The following IGFL4 variants were observed in gnomAD, a reference collection of about 807,000 sequenced individuals.
The protein encoded by IGFL4 is insulin growth factor-like family member 4.
IGFL4 carries 12 observed loss-of-function variants against 15.4 expected under a neutral mutation model. That is an observed-to-expected ratio of 0.78 (90% CI 0.50 to 1.26). The LOEUF is 1.26. Among genes scored for constraint, IGFL4 ranks in the 50% most tolerant of loss-of-function variants. The pLI, the probability that IGFL4 is intolerant of heterozygous loss-of-function variation, is 0.00. For missense variants in IGFL4, 126 were observed against 147.8 expected (o/e 0.85, Z 0.76); for synonymous variants, 54 against 55.9 (o/e 0.97, Z 0.16).
intron 1 of IGFL4, among the ~76,000 whole-genome samples, chr19:46,071,183 A>T (rs576216539): frequency 6.6e-6 from 1 of 151,300 alleles, no homozygotes; most frequent in Non-Finnish European, 1.5e-5. Context: ...AGCTCAGCCA[A>T]CCTCCTCAAT....
At chr19:46,043,474 A>C (rs1969266299), upstream of IGFL4, among the ~76,000 whole-genome samples, 1 of 152,208 alleles carries the variant, frequency 6.6e-6, no homozygotes, top group Non-Finnish European at 1.5e-5. Context: ...AAGGCAGTGG[A>C]AACAAGAATG....
intron 1 of IGFL4, among the ~76,000 whole-genome samples, chr19:46,063,335 G>GCACACACACACA (rs5828265): frequency 1.4e-4 from 21 of 147,188 alleles, no homozygotes; most frequent in African/African-American, 5.0e-4. Context: ...ACACACGCAT[G>GCACACACACACA]CACACACACA....
In IGFL4 at chr19:46,040,519, TG is replaced by T. The variant is rs1969230944; in HGVS notation, c.68del (p.Thr23LysfsTer32). On this transcript the variant is annotated frameshift_variant and splice_region_variant, in exon 2 of 4. Transcript: ENST00000377697. LOFTEE classifies it high-confidence loss of function. The surrounding 1 kb of genome is among the most constrained non-coding windows in gnomAD (Gnocchi z 4.1). Reference sequence around the variant, plus strand: ...CTCCCTCACTGCATCTGTTCTCACCTGTGACTCCTTCTGAGTTTGAACCCAA... The same window carrying T: ...CTCCCTCACTGCATCTGTTCTCACCTTGACTCCTTCTGAGTTTGAACCCAA... ...ELLGSNSEGVTDLRLWLCQPA... is the reference protein window; with the variant it reads ...ELLGSNSEGVXDLRLWLCQPA... The T allele has an allele frequency of 6.2e-7, 1 of 1,614,158 alleles. No individual in the cohort carries two copies.
At chr19:46,069,184 G>C (rs1179531796) in intron 1 of IGFL4, among the ~76,000 whole-genome samples, 1 of 152,136 alleles carries the variant, frequency 6.6e-6, no homozygotes. Context: ...CCACCTCAGA[G>C]GCCAGGCACT....
At position 46,048,448 on chromosome 19, in the gene IGFL4, C is replaced by T. The variant is rs748542732; in HGVS notation, c.-322-7338G>A. 2.6e-5 allele frequency among the ~76,000 whole-genome samples: 4 copies of T among 152,000 alleles called. No individual in the cohort carries two copies. In the East Asian group the frequency reaches 5.8e-4, roughly 22 times the overall value. On this transcript the variant is annotated intron_variant, in intron 2 of 5. Transcript: ENST00000601672. Reference sequence around the variant, plus strand: ...AATTAGGCTAGAGAAAGAAATAAAGCGTATTCAAATAGGAAGAGAGGAAGT... The same window carrying T: ...AATTAGGCTAGAGAAAGAAATAAAGTGTATTCAAATAGGAAGAGAGGAAGT...
chr19:46,048,117 C>A (rs111517248), intron 2 of IGFL4, among the ~76,000 whole-genome samples: 1 of 152,126 alleles, frequency 6.6e-6, no homozygotes, highest in Non-Finnish European at 1.5e-5. Flanking sequence ...GTTCAACATA[C>A]GCAAAGCAAC....
At chr19:46,066,507 C>G (rs1969496089) in intron 1 of IGFL4, among the ~76,000 whole-genome samples, 1 of 152,054 alleles carries the variant, frequency 6.6e-6, no homozygotes. Flanking sequence ...AAGGAAATAC[C>G]CAAGGCTAGG....
intron 1 of IGFL4, among the ~76,000 whole-genome samples, chr19:46,063,135 T>A (rs1269975472): frequency 6.6e-6 from 1 of 152,110 alleles, no homozygotes; most frequent in African/African-American, 2.4e-5. Flanking sequence ...CCTTTACTCA[T>A]GTATGATTAT....
At chr19:46,056,573 T>C (rs1318835717) in intron 2 of IGFL4, among the ~76,000 whole-genome samples, 2 of 152,162 alleles carry the variant, frequency 1.3e-5, no homozygotes, top group Admixed American at 6.5e-5. Context: ...TCCTGATGAA[T>C]TGGAAAAATA....
chr19:46,070,196 T>C (rs1001249401), intron 1 of IGFL4, among the ~76,000 whole-genome samples: 3 of 152,082 alleles, frequency 2.0e-5, no homozygotes, highest in Admixed American at 6.5e-5. Flanking sequence ...CATGTGTTCT[T>C]AGTGATTCAC....
chr19:46,054,734 T>C (rs902809271), intron 2 of IGFL4, among the ~76,000 whole-genome samples: 6 of 152,048 alleles, frequency 3.9e-5, no homozygotes, highest in African/African-American at 1.5e-4. Context: ...CTCTGTAATC[T>C]CAAAGAGAAA....
intron 2 of IGFL4, among the ~76,000 whole-genome samples, chr19:46,053,853 C>A (rs899012383): frequency 6.6e-6 from 1 of 152,126 alleles, no homozygotes; most frequent in Non-Finnish European, 1.5e-5. Context: ...TTTTAATTTG[C>A]ATTTCCCTGA....
intron 2 of IGFL4, among the ~76,000 whole-genome samples, chr19:46,055,786 T>G (rs560942069): frequency 6.6e-6 from 1 of 152,084 alleles, no homozygotes; most frequent in Non-Finnish European, 1.5e-5. Flanking sequence ...GTTTAATTTT[T>G]TTTTTTGACG....
chr19:46,045,597 C>G (rs557637231), upstream of IGFL4, among the ~76,000 whole-genome samples: 1 of 152,078 alleles, frequency 6.6e-6, no homozygotes, highest in Admixed American at 6.5e-5. Context: ...CCCAATGGAA[C>G]TGGAAAACAC....
In IGFL4 at chr19:46,040,938, C is replaced by T; in HGVS notation, c.19+6G>A. On this transcript the variant is annotated splice_donor_region_variant and intron_variant, in intron 1 of 3. Coordinates refer to ENST00000377697, the MANE Select transcript of IGFL4 (RefSeq NM_001002923.3). This position sits in a 1 kb window ranked among gnomAD's most constrained non-coding sequence, Gnocchi z 4.1. ...TTAGCTTAGCCTAGGGCTGGGGTCTCCTTACCAGAAATTCTGGGCACCATG... is the reference window on the plus strand; with the variant it reads ...TTAGCTTAGCCTAGGGCTGGGGTCTTCTTACCAGAAATTCTGGGCACCATG... 1.9e-6 allele frequency: 3 copies of T among 1,589,500 alleles called. No homozygotes were observed. The East Asian group carries it at 6.7e-5, about 36-fold the overall frequency.
intron 1 of IGFL4, among the ~76,000 whole-genome samples, chr19:46,075,172 C>T (rs541767884): frequency 1.3e-5 from 2 of 152,204 alleles, no homozygotes; most frequent in East Asian, 3.9e-4. Context: ...ACCAGCTTCC[C>T]CTATTTTTAG....
At position 46,039,860 on chromosome 19, in the gene IGFL4, A is replaced by AGT; in HGVS notation, c.*30_*31dup. 1 of 1,550,298 alleles carries AGT rather than the reference A, an allele frequency of 6.5e-7. No homozygotes were observed. The highest frequency in any genetic ancestry group is 8.9e-7 in the Non-Finnish European group (1 of 1,121,988). On this transcript the variant is annotated 3_prime_UTR_variant, in exon 4 of 4. Coordinates refer to ENST00000377697, the MANE Select transcript of IGFL4 (RefSeq NM_001002923.3). ...ATAATTACCAAGTATTAGATTCTAG[A>AGT]GTGATCTGTGACTCTGCTACCCCAG...
intron 1 of IGFL4, among the ~76,000 whole-genome samples, chr19:46,074,060 G>A (rs1969571476): frequency 6.6e-6 from 1 of 152,044 alleles, no homozygotes; most frequent in South Asian, 2.1e-4. Flanking sequence ...TGTTAGCTAC[G>A]ATGGCCTGAC....
At chr19:46,041,691 C>T (rs1969245093), upstream of IGFL4, among the ~76,000 whole-genome samples, 1 of 151,770 alleles carries the variant, frequency 6.6e-6, no homozygotes, top group African/African-American at 2.4e-5. Flanking sequence ...AGAGCATGCC[C>T]CTCCATTTTC....
Sources: gnomAD v4.1 joint callset for allele counts (sites outside exome capture counted in the v4.1 genomes callset) on GRCh38, gnomAD v4.1.1 for gene constraint, Gnocchi (gnomAD v3.1) non-coding constraint, MANE v1.5 for transcripts, NCBI Gene and HGNC (gene_info 2026-07-23, HGNC 2026-07-21) for gene names.